ROPN1L: variants seen among roughly 807,000 people sequenced by gnomAD.
ROPN1L encodes the protein rhophilin associated tail protein 1 like.
Under a neutral mutation model 22.7 loss-of-function variants are expected in ROPN1L, and 23 were observed. That is an observed-to-expected ratio of 1.01 (90% CI 0.73 to 1.43). The LOEUF is 1.43. Among genes scored for constraint, ROPN1L ranks in the 40% most tolerant of loss-of-function variants. The pLI is 0.00. For missense variants in ROPN1L, 271 were observed against 291.5 expected (o/e 0.93, Z 0.51); for synonymous variants, 116 against 117.8 (o/e 0.98, Z 0.10).
At chr5:10,455,074 G>A (rs147880178) in intron 3 of ROPN1L, among the ~76,000 whole-genome samples, 2 of 152,322 alleles carry the variant, frequency 1.3e-5, no homozygotes, top group East Asian at 3.9e-4. Flanking sequence ...TCCCCTGGAA[G>A]GCATTCAACC....
chr5:10,452,646 GAT>G (rs1423997587), intron 3 of ROPN1L, among the ~76,000 whole-genome samples: 1 of 151,980 alleles, frequency 6.6e-6, no homozygotes, highest in Admixed American at 6.6e-5. Flanking sequence ...CCCTGAAATC[GAT>G]ATGTTAACAA....
intron 3 of ROPN1L, among the ~76,000 whole-genome samples, chr5:10,457,094 A>G (rs1232172359): frequency 1.3e-5 from 2 of 152,232 alleles, no homozygotes; most frequent in Non-Finnish European, 1.5e-5. Flanking sequence ...TCTTGGGGAC[A>G]GTCTTTTAGA....
In ROPN1L at chr5:10,448,384, G is replaced by T; in HGVS notation, c.255+1G>T. 1 of 1,614,092 alleles carries T rather than the reference G, an allele frequency of 6.2e-7. No homozygotes were observed. ...ACTCCTGAAAGTTTTGCACAAGCAGGTATGGGGGGGCGTAGTCTCTGGCCT... is the reference window on the plus strand; with the variant it reads ...ACTCCTGAAAGTTTTGCACAAGCAGTTATGGGGGGGCGTAGTCTCTGGCCT... On this transcript the variant is annotated splice_donor_variant, in intron 2 of 4. Coordinates refer to ENST00000274134, the MANE Select transcript of ROPN1L (RefSeq NM_031916.5). LOFTEE classifies it high-confidence loss of function.
At chr5:10,481,330 C>T in the ROPN1L span, among the ~76,000 whole-genome samples, 1 of 152,198 alleles carries the variant, frequency 6.6e-6, no homozygotes, top group Admixed American at 6.5e-5. Flanking sequence ...GGGCCACGAG[C>T]GTTGTTAGCA....
intron 4 of ROPN1L, among the ~76,000 whole-genome samples, chr5:10,471,474 G>A (rs1735243993): frequency 6.6e-6 from 1 of 152,198 alleles, no homozygotes; most frequent in South Asian, 2.1e-4. Context: ...TTGGGGAAGT[G>A]TGTAGGTGGG....
the ROPN1L span, chr5:10,479,453 A>G: frequency 6.6e-6 from 1 of 152,246 alleles, no homozygotes; most frequent in Non-Finnish European, 1.5e-5. Context: ...GGTCACGCCT[A>G]CTTGGCAGAG....
At chr5:10,445,790 A>T (rs1741042389) in intron 1 of ROPN1L, among the ~76,000 whole-genome samples, 1 of 152,246 alleles carries the variant, frequency 6.6e-6, no homozygotes, top group Non-Finnish European at 1.5e-5. Flanking sequence ...GGCCATGGTG[A>T]TGCATGTCTG....
At chr5:10,444,769 C>T (rs533530052) in intron 1 of ROPN1L, among the ~76,000 whole-genome samples, 34 of 151,106 alleles carry the variant, frequency 2.3e-4, no homozygotes, top group Admixed American at 5.9e-4. Flanking sequence ...TGTGGTGGCA[C>T]GCATCTGTAG....
intron 1 of ROPN1L, among the ~76,000 whole-genome samples, chr5:10,445,555 G>C (rs1386058185): frequency 6.6e-6 from 1 of 152,110 alleles, no homozygotes; most frequent in East Asian, 1.9e-4. Flanking sequence ...CAGGAAGAAG[G>C]GGGTGGAGAC....
chr5:10,449,797 C>T (rs780259881), intron 2 of ROPN1L, among the ~76,000 whole-genome samples, 155 bp from the exon 3 acceptor site: 1 of 152,152 alleles, frequency 6.6e-6, no homozygotes, highest in Non-Finnish European at 1.5e-5. Flanking sequence ...CCTGCCTTCC[C>T]TCCCCAGGGC....
chr5:10,470,088 A>G lies in ROPN1L; in HGVS notation n.886-1722A>G, dbSNP rs545775711. 3.9e-4 allele frequency among the ~76,000 whole-genome samples: 60 copies of G among 152,340 alleles called. 1 individual carries two copies. The Middle Eastern group carries it at 0.014, about 35-fold the overall frequency. ...GAACACAGAAATTAATCATTTATTG[A>G]GTCTGATTTTGCTATTTCCGTAATT... On this transcript the variant is annotated intron_variant and non_coding_transcript_variant, in intron 4 of 4. Transcript: ENST00000510520.
At chr5:10,470,802 C>T (rs532610478) in intron 4 of ROPN1L, among the ~76,000 whole-genome samples, 6 of 152,312 alleles carry the variant, frequency 3.9e-5, no homozygotes, top group South Asian at 2.1e-4. Flanking sequence ...GCCTCGGGGC[C>T]GGAAGGACAT....
intron 4 of ROPN1L, among the ~76,000 whole-genome samples, chr5:10,470,796 C>T (rs563658851): frequency 2.2e-4 from 34 of 152,296 alleles, no homozygotes; most frequent in Middle Eastern, 3.4e-3. Context: ...CGTGGGGCCT[C>T]GGGGCCGGAA....
At chr5:10,476,405 C>A (rs72740455), downstream of ROPN1L, among the ~76,000 whole-genome samples, 22,509 of 152,234 alleles carry the variant, frequency 0.15, 2,174 homozygotes, top group Non-Finnish European at 0.22. Context: ...CAAAAAAGTT[C>A]TTTTAGTGCT....
At position 10,470,503 on chromosome 5, in the gene ROPN1L, G is replaced by A. The variant is rs16884772; in HGVS notation, n.886-1307G>A. 9.1e-3 allele frequency among the ~76,000 whole-genome samples: 1,390 copies of A among 152,258 alleles called. 19 individuals carry two copies. Among genetic ancestry groups the A allele is most frequent in the African/African-American group, 0.031 (1,289 of 41,536 alleles). ...TTCCCCGTATCTGTCCCATTTCCCC[G>A]TTCTGGCTTTTGGTAAGGCCAGAAG... On this transcript the variant is annotated intron_variant and non_coding_transcript_variant, in intron 4 of 4. Coordinates refer to the ROPN1L transcript ENST00000510520.
At chr5:10,469,918 A>G (rs1387968756), downstream of ROPN1L, among the ~76,000 whole-genome samples, 1 of 152,230 alleles carries the variant, frequency 6.6e-6, no homozygotes, top group Non-Finnish European at 1.5e-5. Context: ...TAAGAGTCAC[A>G]CATTGAATTT....
chr5:10,452,592 C>G (rs544899728), intron 3 of ROPN1L, among the ~76,000 whole-genome samples: 3 of 151,508 alleles, frequency 2.0e-5, no homozygotes, highest in African/African-American at 7.3e-5. Flanking sequence ...CCCGCCTCGG[C>G]CTCCCAAAAT....
the ROPN1L span, chr5:10,478,238 T>A: frequency 6.6e-6 from 1 of 152,348 alleles, no homozygotes; most frequent in Non-Finnish European, 1.5e-5. Flanking sequence ...CCTCTCCAGA[T>A]ACTTGAGTGG....
chr5:10,460,359 C>T (rs1442855902), intron 3 of ROPN1L, among the ~76,000 whole-genome samples: 2 of 152,262 alleles, frequency 1.3e-5, no homozygotes, highest in Non-Finnish European at 2.9e-5. Context: ...CCCTGGTGCC[C>T]AGGCCCTGCA....
Sources: allele counts gnomAD v4.1 joint callset (sites outside exome capture counted in the v4.1 genomes callset), GRCh38; gene constraint gnomAD v4.1.1; transcripts MANE v1.5; gene names NCBI Gene and HGNC (gene_info 2026-07-23, HGNC 2026-07-21).